The following MTERF1 variants were observed in gnomAD, a reference collection of about 807,000 sequenced individuals.
MTERF1 encodes the protein transcription termination factor 1, mitochondrial.
MTERF1 carries 29 observed loss-of-function variants against 31.6 expected under a neutral mutation model. The ratio of observed to expected loss-of-function variants is 0.92; its 90% CI spans 0.68 to 1.25. MTERF1 has a LOEUF of 1.25. Ranked by LOEUF, MTERF1 falls within the 50% of genes most tolerant of loss-of-function variation. The pLI is 0.00. For missense variants in MTERF1, 500 were observed against 469.1 expected (o/e 1.07, Z -0.61); for synonymous variants, 152 against 164.1 (o/e 0.93, Z 0.57).
At chr7:91,875,585 T>C (rs1210509450) in intron 2 of MTERF1, among the ~76,000 whole-genome samples, 1 of 152,176 alleles carries the variant, frequency 6.6e-6, no homozygotes, top group East Asian at 1.9e-4. Context: ...CACTTTCATT[T>C]CTGCCTCATA....
chr7:91,873,486 C>T lies in MTERF1; in HGVS notation c.*108G>A. 1 of 933,998 alleles carries T rather than the reference C, an allele frequency of 1.1e-6. No individual in the cohort carries two copies. The highest frequency in any genetic ancestry group is 1.7e-5 in the African/African-American group (1 of 59,894). 57.9% of individuals were successfully genotyped at this position (933,998 alleles called of 1,614,324 possible). ...TCCAAAGTAATTCAGGATAATCTCC[C>T]CATCTCAAGGCCCTTAATAACATTT... On this transcript the variant is annotated 3_prime_UTR_variant, in exon 3 of 3. Transcript: ENST00000351870.
chr7:91,879,135 T>C (rs959030896), intron 2 of MTERF1, among the ~76,000 whole-genome samples: 1 of 151,796 alleles, frequency 6.6e-6, no homozygotes, highest in Non-Finnish European at 1.5e-5. Flanking sequence ...AGAGCAAGAA[T>C]CTGTCTCATA....
chr7:91,874,057 A>G lies in MTERF1; in HGVS notation c.737T>C (p.Ile246Thr). ...KIIFKNPFIL[I>T]QSTKRVKANI... ...AGCTTTCACCCGCTTGGTGCTCTGAATTAAGATAAAAGGGTTTTTAAAAAT... is the reference window on the plus strand; with the variant it reads ...AGCTTTCACCCGCTTGGTGCTCTGAGTTAAGATAAAAGGGTTTTTAAAAAT... The change falls in exon 3 of 3, where the codon ATT becomes ACT. Residue 246 changes from isoleucine to threonine, a missense_variant. By Grantham distance (89) the Ile-to-Thr change is moderately conservative. Coordinates refer to ENST00000351870, the MANE Select transcript of MTERF1 (RefSeq NM_006980.5). 1 of 1,614,106 alleles carries G rather than the reference A, an allele frequency of 6.2e-7. No individual in the cohort carries two copies. The highest frequency in any genetic ancestry group is 8.5e-7 in the Non-Finnish European group (1 of 1,180,020).
rs1789193375 is a variant in MTERF1 at position 91,872,084 on chromosome 7, C to G, written c.*1510G>C. On this transcript the variant is annotated 3_prime_UTR_variant, in exon 3 of 3. Coordinates refer to ENST00000351870, the MANE Select transcript of MTERF1 (RefSeq NM_006980.5). ...CAAGAAGGCTCTCACCAGATGTGGC[C>G]CCTCAACCTAGGATTTCTCAGCTTC... 6.6e-6 allele frequency: 1 copy of G among 152,116 alleles called. No homozygotes were observed. Among genetic ancestry groups the G allele is most frequent in the South Asian group, 2.1e-4 (1 of 4,816 alleles). The allele number at this position is 152,116 out of a possible 1,614,324, so 9.4% of individuals were successfully genotyped here. A position where few individuals can be genotyped will look rare whatever the true frequency, so the allele number is the denominator to read the frequency against.
chr7:91,876,209 A>G (rs1180115373), intron 2 of MTERF1, among the ~76,000 whole-genome samples: 1 of 152,240 alleles, frequency 6.6e-6, no homozygotes, highest in African/African-American at 2.4e-5. Flanking sequence ...TTTATAAGAA[A>G]TATTTTATGA....
chr7:91,871,114 A>ACTCT lies in MTERF1; in HGVS notation c.*2476_*2479dup, dbSNP rs1374933511. 1 of 151,466 alleles carries ACTCT rather than the reference A, an allele frequency of 6.6e-6. No homozygotes were observed. Among genetic ancestry groups the ACTCT allele is most frequent in the African/African-American group, 2.4e-5 (1 of 41,202 alleles). The allele number at this position is 151,466 out of a possible 1,614,324, so 9.4% of individuals were successfully genotyped here. On this transcript the variant is annotated 3_prime_UTR_variant, in exon 3 of 3. Coordinates refer to ENST00000351870, the MANE Select transcript of MTERF1 (RefSeq NM_006980.5). ...TTCTATCTTTAAAAAAAAAGAATTGACTCTCCCTTGATCAGACTCAAACCT... is the reference window on the plus strand; with the variant it reads ...TTCTATCTTTAAAAAAAAAGAATTGACTCTCTCTCCCTTGATCAGACTCAAACCT...
In MTERF1 at chr7:91,873,988, TC is replaced by T; in HGVS notation, c.805del (p.Glu269AsnfsTer5). ...LRSTFNLNSE[E>X]LLVLICGPGA... is the part of the protein sequence containing the mutation. ...TGGACCACATATCAGAACCAGCAGT[TC>T]CTCACTGTTCAAATTGAAAGTTGAC... On this transcript the variant is annotated frameshift_variant, in exon 3 of 3. Coordinates refer to ENST00000351870, the MANE Select transcript of MTERF1 (RefSeq NM_006980.5). LOFTEE classifies it high-confidence loss of function. 5.6e-6 allele frequency: 9 copies of T among 1,614,066 alleles called. No individual in the cohort carries two copies. The highest frequency in any genetic ancestry group is 6.8e-6 in the Non-Finnish European group (8 of 1,180,032).
At chr7:91,878,064 T>C (rs1394130328) in intron 2 of MTERF1, among the ~76,000 whole-genome samples, 3 of 152,162 alleles carry the variant, frequency 2.0e-5, no homozygotes, top group Admixed American at 6.5e-5. Context: ...CCCATTCAAA[T>C]ATAATCTTCC....
chr7:91,874,091 T>G lies in MTERF1; in HGVS notation c.703A>C (p.Arg235=). The G allele has an allele frequency of 6.2e-7, 1 of 1,614,138 alleles. No individual in the cohort carries two copies. Residue 235 remains arginine (R), a synonymous_variant, in exon 3 of 3, where the codon AGA becomes CGA. Coordinates refer to ENST00000351870, the MANE Select transcript of MTERF1 (RefSeq NM_006980.5). ...LGHNDPADFV[R]KIIFKNPFIL... ...AAAGGGTTTTTAAAAATTATCTTTC[T>G]GACAAAATCTGCGGGATCATTGTGA...
rs1390289449 is a variant in MTERF1 at position 91,873,936 on chromosome 7, A to T, written c.858T>A (p.Asn286Lys). 2 of 1,614,020 alleles carry T rather than the reference A, an allele frequency of 1.2e-6. No homozygotes were observed. Among genetic ancestry groups the T allele is most frequent in the Non-Finnish European group, 1.7e-6 (2 of 1,180,010 alleles). ...TTGCGTAGCTTCTTCTGGCATAGTC[A>T]TTGGAAAGGTCTAGGATTTCAGCTC... ...GPGAEILDLS[N>K]DYARRSYANI... Residue 286 changes from asparagine to lysine, a missense_variant, in exon 3 of 3, where the codon AAT becomes AAA. Transcript: ENST00000351870.
intron 1 of MTERF1, 142 bp from the exon 2 acceptor site, chr7:91,880,255 G>A: frequency 1.6e-6 from 1 of 640,802 alleles, no homozygotes; most frequent in Non-Finnish European, 2.6e-6. Context: ...ACATTTCTCA[G>A]ACATACAGAA....
chr7:91,879,739 A>G (rs962137633), intron 2 of MTERF1, among the ~76,000 whole-genome samples: 2 of 152,190 alleles, frequency 1.3e-5, no homozygotes, highest in Non-Finnish European at 2.9e-5. Context: ...AAAGTTAGCA[A>G]CTTTCCTCAC....
Position 91,874,684 on chromosome 7 carries a change from G to A in MTERF1, c.110C>T (p.Ser37Leu). ...WHMRNNFLFG[S>L]RCWMTRFSAE... ...TGAAAATCGAGTCATCCAACATCTTGAACCAAAGAGAAAGTTATTTCTCAT... is the reference window on the plus strand; with the variant it reads ...TGAAAATCGAGTCATCCAACATCTTAAACCAAAGAGAAAGTTATTTCTCAT... Residue 37 changes from serine (S) to leucine (L), a missense_variant, in exon 3 of 3, where the codon TCA becomes TTA. Physicochemically the swap from Ser to Leu is moderately radical, Grantham distance 145. Transcript: ENST00000351870. The A allele has an allele frequency of 6.2e-7, 1 of 1,614,062 alleles. No individual in the cohort carries two copies. Among genetic ancestry groups the A allele is most frequent in the Non-Finnish European group, 8.5e-7 (1 of 1,180,004 alleles).
At chr7:91,876,060 A>T (rs1411137790) in intron 2 of MTERF1, among the ~76,000 whole-genome samples, 1 of 152,216 alleles carries the variant, frequency 6.6e-6, no homozygotes, top group African/African-American at 2.4e-5. Flanking sequence ...TCTGTTACAC[A>T]ACACTTTCAA....
chr7:91,880,216 C>G, intron 1 of MTERF1, 103 bp from the exon 2 acceptor site: 7 of 899,536 alleles, frequency 7.8e-6, no homozygotes, highest in Non-Finnish European at 1.2e-5. Context: ...GCATTATGTT[C>G]TCGTGAGATG....
rs1367712269 is a variant in MTERF1 at position 91,874,056 on chromosome 7, AATTAAG to A, written c.732_737del (p.Leu245_Ile246del). 6.2e-7 allele frequency: 1 copy of A among 1,614,004 alleles called. No individual in the cohort carries two copies. Among genetic ancestry groups the A allele is most frequent in the Non-Finnish European group, 8.5e-7 (1 of 1,180,022 alleles). On this transcript the variant is annotated inframe_deletion, in exon 3 of 3. Transcript: ENST00000351870. Reference sequence around the variant, plus strand: ...TAGCTTTCACCCGCTTGGTGCTCTGAATTAAGATAAAAGGGTTTTTAAAAATTATCT... The same window carrying A: ...TAGCTTTCACCCGCTTGGTGCTCTGAATAAAAGGGTTTTTAAAAATTATCT...
rs1270041292 is a variant in MTERF1, at chr7:91,871,906, C to T, written c.*1688G>A. 1 of 152,126 alleles carries T rather than the reference C, an allele frequency of 6.6e-6. No homozygotes were observed. The highest frequency in any genetic ancestry group is 1.5e-5 in the Non-Finnish European group (1 of 68,040). 9.4% of individuals were successfully genotyped at this position (152,126 alleles called of 1,614,324 possible). On this transcript the variant is annotated 3_prime_UTR_variant, in exon 3 of 3. Transcript: ENST00000351870. The stretch of plus-strand genomic sequence containing the variant: ...GACTGGATCATAAGGGCTATGTCAT[C>T]AGAAATTGATTAATCTATTCATGGA...
intron 1 of MTERF1, 191 bp from the exon 2 acceptor site, chr7:91,880,304 A>G: frequency 1.8e-6 from 1 of 546,044 alleles, no homozygotes; most frequent in Non-Finnish European, 3.2e-6. Flanking sequence ...TGATGGGAAA[A>G]GGTAGCGGAA....
At chr7:91,876,518 A>G (rs945800084) in intron 2 of MTERF1, among the ~76,000 whole-genome samples, 19 of 152,226 alleles carry the variant, frequency 1.2e-4, no homozygotes, top group African/African-American at 4.3e-4. Flanking sequence ...TTCAAGATCA[A>G]TTTCAAAGAA....
Sources: allele counts gnomAD v4.1 joint callset (sites outside exome capture counted in the v4.1 genomes callset), GRCh38; gene constraint gnomAD v4.1.1; transcripts MANE v1.5; gene names NCBI Gene and HGNC (gene_info 2026-07-23, HGNC 2026-07-21).